RAB39B: variants seen among roughly 807,000 people sequenced by gnomAD.
The protein encoded by RAB39B is RAB39B, member RAS oncogene family.
For synonymous variants in RAB39B, 63 were observed against 67.5 expected, an observed-to-expected ratio of 0.93 and a Z score of 0.33; for missense variants, 68 against 171.3, an observed-to-expected ratio of 0.40 and a Z score of 3.37.
At position 155,258,362 on chromosome X, in the gene RAB39B, A is replaced by G. The variant is rs2074841106; in HGVS notation, c.*2441T>C. 1 of 112,744 alleles carries G rather than the reference A, an allele frequency of 8.9e-6. No homozygotes were observed. Among genetic ancestry groups the G allele is most frequent in the Non-Finnish European group, 1.9e-5 (1 of 53,324 alleles). The allele number at this position is 112,744 out of a possible 1,213,427, so 9.3% of individuals were successfully genotyped here. On this transcript the variant is annotated 3_prime_UTR_variant, in exon 2 of 2. Coordinates refer to ENST00000369454, the MANE Select transcript of RAB39B (RefSeq NM_171998.4). Reference sequence around the variant, plus strand: ...TGAGGAAAAGTATACAGTACATTTTATTCTGAAATATGAGACAATCTAATC... The same window carrying G: ...TGAGGAAAAGTATACAGTACATTTTGTTCTGAAATATGAGACAATCTAATC...
At position 155,259,528 on chromosome X, in the gene RAB39B, T is replaced by C. The variant is rs1557314062; in HGVS notation, c.*1275A>G. The C allele has an allele frequency of 8.9e-6, 1 of 112,112 alleles. No homozygotes were observed. Among genetic ancestry groups the C allele is most frequent in the Non-Finnish European group, 1.9e-5 (1 of 53,268 alleles). 9.2% of individuals were successfully genotyped at this position (112,112 alleles called of 1,213,427 possible). A position where few individuals can be genotyped will look rare whatever the true frequency, so the allele number is the denominator to read the frequency against. ...TTATAGCCCACACAGTTCTAATGTC[T>C]TTTTAGTTGTGCAATTATTCACTTG... On this transcript the variant is annotated 3_prime_UTR_variant, in exon 2 of 2. Coordinates refer to ENST00000369454, the MANE Select transcript of RAB39B (RefSeq NM_171998.4).
chrX:155,261,401 T>C (rs2074853392), intron 1 of RAB39B, among the ~76,000 whole-genome samples, 172 bp from the exon 2 acceptor site: 1 of 111,387 alleles, frequency 9.0e-6, no homozygotes, highest in South Asian at 3.8e-4. Flanking sequence ...CTACTACTAA[T>C]ATGTGAGTTT....
In RAB39B at chrX:155,260,561, C is replaced by G; in HGVS notation, c.*242G>C. 2.4e-6 allele frequency: 1 copy of G among 418,112 alleles called. No homozygotes were observed. Among genetic ancestry groups the G allele is most frequent in the Non-Finnish European group, 4.2e-6 (1 of 238,488 alleles). The allele number at this position is 418,112 out of a possible 1,213,427, so 34.5% of individuals were successfully genotyped here. A position where few individuals can be genotyped will look rare whatever the true frequency, so the allele number is the denominator to read the frequency against. On this transcript the variant is annotated 3_prime_UTR_variant, in exon 2 of 2. Coordinates refer to ENST00000369454, the MANE Select transcript of RAB39B (RefSeq NM_171998.4). Reference sequence around the variant, plus strand: ...CCACAAAGGGCTCATGGAGCAGCCACTGCCTAGCATGGGCCACAAAACAGT... The same window carrying G: ...CCACAAAGGGCTCATGGAGCAGCCAGTGCCTAGCATGGGCCACAAAACAGT...
At chrX:155,261,335 T>A in intron 1 of RAB39B, 106 bp from the exon 2 acceptor site, 1 of 603,337 alleles carries the variant, frequency 1.7e-6, no homozygotes, top group Non-Finnish European at 2.7e-6. Flanking sequence ...AGTCCTTTAA[T>A]AAAAATGATT....
At chrX:155,261,258 A>T (rs372976033) in intron 1 of RAB39B, 29 bp from the exon 2 acceptor site, 2 of 1,135,236 alleles carry the variant, frequency 1.8e-6, no homozygotes, top group Non-Finnish European at 2.4e-6. Context: ...GTAAAGAGTA[A>T]AGGCTGTGCC....
In RAB39B at chrX:155,264,271, C is replaced by G; in HGVS notation, c.18G>C (p.Leu6=). The part of the protein sequence containing the change: MEAIW[L]YQFRLIVIGD... ...CGATGACAATGAGCCGGAACTGGTA[C>G]AGCCAGATGGCCTCCATGGCCGCGG... is the stretch of plus-strand genomic sequence containing the variant. Residue 6 remains leucine, a synonymous_variant, in exon 1 of 2, where the codon CTG becomes CTC. Coordinates refer to ENST00000369454, the MANE Select transcript of RAB39B (RefSeq NM_171998.4). 1 of 1,211,781 alleles carries G rather than the reference C, an allele frequency of 8.3e-7. No homozygotes were observed.
chrX:155,262,465 C>T (rs1293157612), intron 1 of RAB39B, among the ~76,000 whole-genome samples: 1 of 112,146 alleles, frequency 8.9e-6, no homozygotes, highest in Non-Finnish European at 1.9e-5. Context: ...CATGAACAAA[C>T]AAAGGTTTTG....
At position 155,259,425 on chromosome X, in the gene RAB39B, T is replaced by G. The variant is rs1362521940; in HGVS notation, c.*1378A>C. The G allele has an allele frequency of 2.7e-5, 3 of 111,486 alleles. No homozygotes were observed. The highest frequency in any genetic ancestry group is 3.8e-5 in the Non-Finnish European group (2 of 53,107). The allele number at this position is 111,486 out of a possible 1,213,427, so 9.2% of individuals were successfully genotyped here. ...GCCAAGGTCATTTTGGGGTGGGTAT[T>G]TTATCCCTATCCCACTCCGCATTGC... On this transcript the variant is annotated 3_prime_UTR_variant, in exon 2 of 2. Coordinates refer to ENST00000369454, the MANE Select transcript of RAB39B (RefSeq NM_171998.4).
In RAB39B at chrX:155,264,166, C is replaced by A. The variant is rs137950464; in HGVS notation, c.123G>T (p.Val41=). 21 of 1,212,021 alleles carry A rather than the reference C, an allele frequency of 1.7e-5. No homozygotes were observed. Among genetic ancestry groups the A allele is most frequent in the Non-Finnish European group, 2.1e-5 (19 of 895,365 alleles). ...GRFAQVSDPT[V]GVDFFSRLVE... is the part of the protein sequence containing the mutation. The stretch of plus-strand genomic sequence containing the variant: ...CCAAGCGGGAGAAAAAATCCACCCC[C>A]ACGGTGGGGTCAGAAACCTGGGCAA... The change falls in exon 1 of 2, where the codon GTG becomes GTT. Residue 41 remains valine, a synonymous_variant. Transcript: ENST00000369454.
intron 1 of RAB39B, among the ~76,000 whole-genome samples, chrX:155,263,185 G>A (rs1490792293): frequency 3.6e-5 from 4 of 111,798 alleles, no homozygotes; most frequent in Non-Finnish European, 5.6e-5. Flanking sequence ...GGCGTTTCCT[G>A]TCTTTGCTTA....
At position 155,259,905 on chromosome X, in the gene RAB39B, C is replaced by T. The variant is rs2074846886; in HGVS notation, c.*898G>A. The T allele has an allele frequency of 8.9e-6, 1 of 111,814 alleles. No individual in the cohort carries two copies. The highest frequency in any genetic ancestry group is 1.9e-5 in the Non-Finnish European group (1 of 53,159). The allele number at this position is 111,814 out of a possible 1,213,427, so 9.2% of individuals were successfully genotyped here. A position where few individuals can be genotyped will look rare whatever the true frequency, so the allele number is the denominator to read the frequency against. ...AACTGTAAGCTGTTTGTAAGGGTTA[C>T]AGTGCCTCCTGTTCAGCAGGAGAGA... On this transcript the variant is annotated 3_prime_UTR_variant, in exon 2 of 2. Coordinates refer to ENST00000369454, the MANE Select transcript of RAB39B (RefSeq NM_171998.4).
rs1299359809 is a variant in RAB39B, at chrX:155,258,360, T to G, written c.*2443A>C. 2 of 112,697 alleles carry G rather than the reference T, an allele frequency of 1.8e-5. No individual in the cohort carries two copies. The highest frequency in any genetic ancestry group is 3.8e-5 in the Non-Finnish European group (2 of 53,317). 9.3% of individuals were successfully genotyped at this position (112,697 alleles called of 1,213,427 possible). On this transcript the variant is annotated 3_prime_UTR_variant, in exon 2 of 2. Transcript: ENST00000369454. ...AGTGAGGAAAAGTATACAGTACATT[T>G]TATTCTGAAATATGAGACAATCTAA...
chrX:155,264,401 C>A lies in RAB39B; in HGVS notation c.-113G>T. 1.4e-6 allele frequency: 1 copy of A among 738,360 alleles called. No homozygotes were observed. The allele number at this position is 738,360 out of a possible 1,213,427, so 60.8% of individuals were successfully genotyped here. On this transcript the variant is annotated 5_prime_UTR_variant, in exon 1 of 2. Transcript: ENST00000369454. ...GGATCTAGCTCAGCCGCGAGCGCAT[C>A]GCTGGCCTGGGAGCCCGAAGCTGGG...
chrX:155,261,288 G>A (rs2074853020), intron 1 of RAB39B, 59 bp from the exon 2 acceptor site: 1 of 873,337 alleles, frequency 1.1e-6, no homozygotes, highest in Non-Finnish European at 1.7e-6. Context: ...GCATGTCAAT[G>A]AACTCAGTAT....
intron 1 of RAB39B, 136 bp from the exon 2 acceptor site, chrX:155,261,365 CAAAG>C (rs1557314273): frequency 3.9e-6 from 2 of 518,224 alleles, no homozygotes; most frequent in Non-Finnish European, 6.3e-6. Context: ...TTTAAAAAAA[CAAAG>C]GAATACAAAT....
Position 155,264,262 on chromosome X carries a change from G to C in RAB39B, c.27C>G (p.Phe9Leu). The C allele has an allele frequency of 8.2e-7, 1 of 1,212,170 alleles. No individual in the cohort carries two copies. The highest frequency in any genetic ancestry group is 1.1e-6 in the Non-Finnish European group (1 of 895,405). The change falls in exon 1 of 2, where the codon TTC (phenylalanine) becomes TTG (leucine). Residue 9 changes from phenylalanine (F) to leucine (L), a missense_variant. Phe to Leu is a conservative substitution (Grantham distance 22, BLOSUM62 0). Coordinates refer to ENST00000369454, the MANE Select transcript of RAB39B (RefSeq NM_171998.4). The stretch of plus-strand genomic sequence containing the variant: ...TGGAATCCCCGATGACAATGAGCCG[G>C]AACTGGTACAGCCAGATGGCCTCCA... The part of the protein sequence containing the change: MEAIWLYQ[F>L]RLIVIGDSTV...
At position 155,260,580 on chromosome X, in the gene RAB39B, A is replaced by G. The variant is rs782223413; in HGVS notation, c.*223T>C. The stretch of plus-strand genomic sequence containing the variant: ...CAGCCACTGCCTAGCATGGGCCACA[A>G]AACAGTGCCTGGCCTGGCCCATGTC... On this transcript the variant is annotated 3_prime_UTR_variant, in exon 2 of 2. Transcript: ENST00000369454. The G allele has an allele frequency of 9.2e-6, 4 of 436,888 alleles. No homozygotes were observed. The African/African-American group carries it at 9.7e-5, about 11-fold the overall frequency. 36.0% of individuals were successfully genotyped at this position (436,888 alleles called of 1,213,427 possible).
chrX:155,260,717 T>G lies in RAB39B; in HGVS notation c.*86A>C. On this transcript the variant is annotated 3_prime_UTR_variant, in exon 2 of 2. Transcript: ENST00000369454. ...ACTTGGTATCCAAATGGAGGTTGAG[T>G]TCTCATCAGTTACACAAAGATTCTA... 1.0e-6 allele frequency: 1 copy of G among 982,491 alleles called. No homozygotes were observed. The allele number at this position is 982,491 out of a possible 1,213,427, so 81.0% of individuals were successfully genotyped here.
Position 155,264,229 on chromosome X carries a change from G to A in RAB39B, c.60C>T (p.Gly20=). Residue 20 remains glycine (G), a synonymous_variant, in exon 1 of 2, where the codon GGC becomes GGT. Coordinates refer to ENST00000369454, the MANE Select transcript of RAB39B (RefSeq NM_171998.4). ...TGAAGCGGCGGATCAGGCAGGACTT[G>A]CCCACTGTGGAATCCCCGATGACAA... ...RLIVIGDSTV[G]KSCLIRRFTE... 8.2e-7 allele frequency: 1 copy of A among 1,212,174 alleles called. No homozygotes were observed. The highest frequency in any genetic ancestry group is 1.1e-6 in the Non-Finnish European group (1 of 895,460).
Sources: gnomAD v4.1 joint callset for allele counts (sites outside exome capture counted in the v4.1 genomes callset) on GRCh38, gnomAD v4.1.1 for gene constraint, MANE v1.5 for transcripts, NCBI Gene and HGNC (gene_info 2026-07-23, HGNC 2026-07-21) for gene names.